The following RBFOX1 variants were observed in gnomAD, a reference collection of about 807,000 sequenced individuals.
RBFOX1 encodes RNA binding protein fox-1 homolog 1.
Under a neutral mutation model 57.7 loss-of-function variants are expected in RBFOX1, and 8 were observed. The observed-to-expected ratio is 0.14, with a 90% CI of 0.08 to 0.25. The LOEUF (loss-of-function observed/expected upper bound fraction) is 0.25, where lower values mean the gene tolerates loss of function less well. Ranked by LOEUF, RBFOX1 falls within the 10% of genes least tolerant of loss-of-function variation. The pLI, the probability that RBFOX1 is intolerant of heterozygous loss-of-function variation, is 1.00. For synonymous variants in RBFOX1, 326 were observed against 222.4 expected (o/e 1.47, Z -4.15); for missense variants, 611 against 548.5 (o/e 1.11, Z -1.14).
chr16:6,637,682 G>C (rs1365280553), intron 2 of RBFOX1, among the ~76,000 whole-genome samples: 2 of 150,296 alleles, frequency 1.3e-5, no homozygotes, highest in Admixed American at 6.7e-5. Context: ...GCCAGATGAT[G>C]AAGTGGCAGC....
At chr16:5,800,068 C>A (rs1303665850) in intron 3 of RBFOX1, among the ~76,000 whole-genome samples, 1 of 151,596 alleles carries the variant, frequency 6.6e-6, no homozygotes, top group Admixed American at 6.6e-5. Context: ...TAAGTATATA[C>A]ATATACATGT....
Position 6,643,345 on chromosome 16 carries a change from A to G in RBFOX1, c.-63-11258A>G, listed in dbSNP as rs1044260458. On this transcript the variant is annotated intron_variant, in intron 2 of 15. Transcript: ENST00000550418. ...ATGGAAAAGGAAGTGAATAAAATCT[A>G]TCACTGCAAACATTTTATACTATTC... Among the ~76,000 whole-genome samples the G allele has an allele frequency of 3.9e-5, 6 of 152,210 alleles. No individual in the cohort carries two copies. The East Asian group carries it at 7.7e-4, about 20-fold the overall frequency.
chr16:6,632,461 T>A (rs1313921506), intron 2 of RBFOX1, among the ~76,000 whole-genome samples: 1 of 152,192 alleles, frequency 6.6e-6, no homozygotes, highest in Admixed American at 6.5e-5. Context: ...ATGAGGATAG[T>A]GTTACAGTAT....
intron 1 of RBFOX1, among the ~76,000 whole-genome samples, chr16:5,354,190 TG>T (rs1301323821): frequency 6.6e-6 from 1 of 152,232 alleles, no homozygotes; most frequent in Non-Finnish European, 1.5e-5. Flanking sequence ...GAGCTGTTCC[TG>T]TCGGCCTTGG....
chr16:6,629,555 A>G (rs901682092), intron 2 of RBFOX1, among the ~76,000 whole-genome samples: 1 of 152,116 alleles, frequency 6.6e-6, no homozygotes, highest in African/African-American at 2.4e-5. Context: ...ATAAAAATCA[A>G]CATTAATTGG....
chr16:6,425,601 C>T (rs2093902736), intron 2 of RBFOX1, among the ~76,000 whole-genome samples: 1 of 151,342 alleles, frequency 6.6e-6, no homozygotes, highest in South Asian at 2.1e-4. Flanking sequence ...TGGTTTATCA[C>T]TATTTTTTTT....
At chr16:5,653,885 C>G (rs939180196) in intron 3 of RBFOX1, among the ~76,000 whole-genome samples, 6 of 152,148 alleles carry the variant, frequency 3.9e-5, no homozygotes, top group Non-Finnish European at 7.4e-5. Context: ...GAGGGCTGCT[C>G]TCGGCCCCTG....
chr16:7,371,920 C>T (rs1471689027), intron 4 of RBFOX1, among the ~76,000 whole-genome samples: 3 of 151,788 alleles, frequency 2.0e-5, no homozygotes, highest in Non-Finnish European at 2.9e-5. Flanking sequence ...AGTTTTTCTA[C>T]ACTAGGTGGC....
intron 4 of RBFOX1, among the ~76,000 whole-genome samples, chr16:7,370,938 C>G (rs752078597): frequency 1.3e-4 from 20 of 152,176 alleles, no homozygotes; most frequent in Admixed American, 1.2e-3. Flanking sequence ...GAGTGGAATA[C>G]TGATGCATGG....
chr16:6,510,806 G>A (rs959074331), intron 2 of RBFOX1, among the ~76,000 whole-genome samples: 3 of 151,654 alleles, frequency 2.0e-5, no homozygotes, highest in Non-Finnish European at 4.4e-5. Flanking sequence ...GACTGCTAAA[G>A]GTTTTTGTCA....
intron 4 of RBFOX1, among the ~76,000 whole-genome samples, chr16:5,975,321 C>T (rs933221476): frequency 1.3e-5 from 2 of 152,168 alleles, no homozygotes; most frequent in Admixed American, 6.5e-5. Context: ...CACCCAAGCT[C>T]TGCAGCCTTC....
intron 3 of RBFOX1, among the ~76,000 whole-genome samples, chr16:6,698,592 C>T (rs570758004): frequency 6.6e-6 from 1 of 152,272 alleles, no homozygotes; most frequent in South Asian, 2.1e-4. Flanking sequence ...TGCCAGAGCC[C>T]CACAGGGTCT....
chr16:5,858,391 T>C (rs1327156505), intron 3 of RBFOX1, among the ~76,000 whole-genome samples: 2 of 152,180 alleles, frequency 1.3e-5, no homozygotes, highest in East Asian at 1.9e-4. Context: ...AGACTCCCTG[T>C]AAACCGGCAC....
At chr16:5,369,011 T>A in intron 1 of RBFOX1, among the ~76,000 whole-genome samples, 1 of 152,350 alleles carries the variant, frequency 6.6e-6, no homozygotes, top group East Asian at 1.9e-4. Flanking sequence ...GGTTTTTGTT[T>A]GTTTGTTTTG....
chr16:7,631,803 C>T (rs978156842), intron 11 of RBFOX1, among the ~76,000 whole-genome samples: 1 of 152,194 alleles, frequency 6.6e-6, no homozygotes, highest in Non-Finnish European at 1.5e-5. Flanking sequence ...AACCTCCTCA[C>T]TGTTGGGGCA....
intron 3 of RBFOX1, among the ~76,000 whole-genome samples, chr16:5,722,384 T>C (rs1011662501): frequency 6.6e-6 from 1 of 152,336 alleles, no homozygotes; most frequent in African/African-American, 2.4e-5. Context: ...TATTGAAATA[T>C]GTTTTTAATT....
chr16:5,539,074 A>G lies in RBFOX1; in HGVS notation c.259-59828A>G, dbSNP rs183005015. 1.1e-4 allele frequency among the ~76,000 whole-genome samples: 16 copies of G among 152,310 alleles called. 1 individual carries two copies. The East Asian group carries it at 2.9e-3, about 28-fold the overall frequency. ...ATTTTTGAAATGCTTCTGAGGACAG[A>G]TAAGACCTGCCTTTCAGACTCTCTT... On this transcript the variant is annotated intron_variant, in intron 2 of 2. Transcript: ENST00000585867.
At chr16:7,317,294 C>T (rs1035713483) in intron 4 of RBFOX1, among the ~76,000 whole-genome samples, 4 of 152,130 alleles carry the variant, frequency 2.6e-5, no homozygotes, top group Admixed American at 6.5e-5. Context: ...CAGACTTCGG[C>T]AGGCTTTGGT....
chr16:6,655,658 A>G (rs1303116768), intron 3 of RBFOX1, among the ~76,000 whole-genome samples: 2 of 152,138 alleles, frequency 1.3e-5, no homozygotes, highest in South Asian at 2.1e-4. Context: ...AGCACATCCA[A>G]GAAGATCAGA....
Sources: gnomAD v4.1 joint callset for allele counts (sites outside exome capture counted in the v4.1 genomes callset) on GRCh38, gnomAD v4.1.1 for gene constraint, MANE v1.5 for transcripts, NCBI Gene and HGNC (gene_info 2026-07-23, HGNC 2026-07-21) for gene names.